Variants in TLK1 observed in about 807,000 individuals in gnomAD.
TLK1 encodes serine/threonine-protein kinase tousled-like 1.
TLK1 carries 24 observed loss-of-function variants against 105.3 expected under a neutral mutation model. The observed-to-expected ratio is 0.23, with a 90% CI of 0.17 to 0.32. The LOEUF is 0.32. Among genes scored for constraint, TLK1 ranks in the 10% least tolerant of loss-of-function variants. The pLI is 1.00. For missense variants in TLK1, 558 were observed against 910.5 expected (o/e 0.61, Z 4.98); for synonymous variants, 321 against 310.4 (o/e 1.03, Z -0.36).
chr2:171,096,971 G>GA (rs1689479735), intron 2 of TLK1, among the ~76,000 whole-genome samples: 1 of 152,040 alleles, frequency 6.6e-6, no homozygotes, highest in African/African-American at 2.4e-5. Flanking sequence ...CACAGCAATA[G>GA]AAAAAACAAC....
intron 3 of TLK1, chr2:171,081,538 G>T: frequency 4.7e-6 from 3 of 638,528 alleles, no homozygotes; most frequent in Non-Finnish European, 6.7e-6. Context: ...AAAAAACTTT[G>T]ACTAGAGCTA....
At chr2:171,182,938 AG>A (rs1469537846) in intron 1 of TLK1, among the ~76,000 whole-genome samples, 155 of 142,768 alleles carry the variant, frequency 1.1e-3, no homozygotes, top group African/African-American at 2.6e-3. Flanking sequence ...AAAAAAAAAA[AG>A]AAAGAAAGAA....
chr2:171,160,144 G>A lies in TLK1; in HGVS notation c.139+146C>T, dbSNP rs112812793. On this transcript the variant is annotated intron_variant, in intron 1 of 20. Coordinates refer to ENST00000431350, the MANE Select transcript of TLK1 (RefSeq NM_012290.5). This position sits in a 1 kb window ranked among gnomAD's most constrained non-coding sequence, Gnocchi z 4.4. Reference sequence around the variant, plus strand: ...ACTACCTCCCCAGAGCCGGGGAGCCGGGCGGCCTCGCGTCCACCTCGCCAC... The same window carrying A: ...ACTACCTCCCCAGAGCCGGGGAGCCAGGCGGCCTCGCGTCCACCTCGCCAC... 1.1e-6 allele frequency: 1 copy of A among 903,078 alleles called. No homozygotes were observed. 55.9% of individuals were successfully genotyped at this position (903,078 alleles called of 1,614,324 possible). A position where few individuals can be genotyped will look rare whatever the true frequency, so the allele number is the denominator to read the frequency against.
intron 1 of TLK1, among the ~76,000 whole-genome samples, chr2:171,148,890 A>AAAAAAAATATATAT (rs1445171800): frequency 1.4e-5 from 2 of 138,456 alleles, no homozygotes; most frequent in African/African-American, 5.4e-5. Context: ...AAAAAAAAAA[A>AAAAAAAATATATAT]ATATATATAT....
chr2:171,049,983 G>C, intron 9 of TLK1, 33 bp from the exon 10 acceptor site: 3 of 1,612,280 alleles, frequency 1.9e-6, no homozygotes, highest in Non-Finnish European at 2.5e-6. Flanking sequence ...TCACTCAATT[G>C]TATTCATTAA....
At chr2:171,210,239 G>T (rs1430287233) in intron 1 of TLK1, among the ~76,000 whole-genome samples, 1 of 151,968 alleles carries the variant, frequency 6.6e-6, no homozygotes, top group African/African-American at 2.4e-5. Flanking sequence ...GAGAAATAAG[G>T]TTATAATGCC....
chr2:171,175,921 T>G (rs1266221568), intron 1 of TLK1, among the ~76,000 whole-genome samples: 1 of 137,228 alleles, frequency 7.3e-6, no homozygotes, highest in Non-Finnish European at 1.5e-5. Context: ...ATATCAAGGT[T>G]TTTTTTTTGT....
chr2:171,227,407 A>C (rs1693917656), intron 1 of TLK1, among the ~76,000 whole-genome samples: 1 of 152,166 alleles, frequency 6.6e-6, no homozygotes, highest in Non-Finnish European at 1.5e-5. Flanking sequence ...TATTTGCTAC[A>C]ACTGCAGGAG....
intron 2 of TLK1, 116 bp from the exon 3 acceptor site, chr2:171,082,968 A>T (rs566794799): frequency 1.4e-6 from 1 of 705,102 alleles, no homozygotes; most frequent in Admixed American, 3.1e-5. Context: ...TAAATAAAGT[A>T]TAATTCCTTA....
At chr2:171,080,014 A>G (rs1688677421) in intron 3 of TLK1, among the ~76,000 whole-genome samples, 1 of 152,048 alleles carries the variant, frequency 6.6e-6, no homozygotes, top group Non-Finnish European at 1.5e-5. Context: ...GGGTGGTAGG[A>G]GAAAGCAATT....
chr2:171,021,239 AACT>A (rs1245163315), intron 12 of TLK1, among the ~76,000 whole-genome samples: 2 of 145,862 alleles, frequency 1.4e-5, no homozygotes, highest in African/African-American at 4.9e-5. Context: ...TTAAGAATTC[AACT>A]GATTGGCAAA....
intron 7 of TLK1, 191 bp downstream of exon 7, chr2:171,054,892 A>G: frequency 2.7e-6 from 1 of 371,520 alleles, no homozygotes; most frequent in Non-Finnish European, 4.9e-6. Flanking sequence ...TAAAAAGCTG[A>G]TAGTAAATTG....
At chr2:171,099,201 T>C (rs1277492998) in intron 2 of TLK1, among the ~76,000 whole-genome samples, 1 of 152,098 alleles carries the variant, frequency 6.6e-6, no homozygotes, top group Non-Finnish European at 1.5e-5. Context: ...AAACCAAATG[T>C]ATATCTATAA....
At chr2:171,062,266 CTGAA>C (rs779662389) in intron 3 of TLK1, among the ~76,000 whole-genome samples, 72 of 152,324 alleles carry the variant, frequency 4.7e-4, no homozygotes, top group African/African-American at 1.6e-3. Flanking sequence ...TAATATTTGA[CTGAA>C]TGAATGAATG....
chr2:171,045,925 G>C (rs900784646), intron 11 of TLK1: 1 of 363,460 alleles, frequency 2.8e-6, no homozygotes, highest in Non-Finnish European at 4.9e-6. Context: ...AGACACAGAA[G>C]GGTGAATTCT....
intron 14 of TLK1, among the ~76,000 whole-genome samples, chr2:171,007,818 C>T (rs959034565): frequency 2.6e-5 from 4 of 152,078 alleles, no homozygotes; most frequent in African/African-American, 9.7e-5. Context: ...TAATACCTAA[C>T]CTGTCTTCAA....
intron 10 of TLK1, 80 bp downstream of exon 10, chr2:171,049,734 T>G: frequency 1.9e-6 from 3 of 1,552,162 alleles, no homozygotes; most frequent in Non-Finnish European, 2.6e-6. Context: ...CTGGAGAGCA[T>G]AATTACAAAT....
intron 11 of TLK1, among the ~76,000 whole-genome samples, chr2:171,040,568 GTTTTTTTTT>G (rs59971440): frequency 6.7e-5 from 7 of 104,308 alleles, no homozygotes; most frequent in African/African-American, 1.7e-4. Context: ...TTCCTTTTTT[GTTTTTTTTT>G]TTTTTTTTTT....
intron 1 of TLK1, among the ~76,000 whole-genome samples, chr2:171,123,245 G>T (rs992168413): frequency 1.3e-5 from 2 of 152,184 alleles, no homozygotes; most frequent in African/African-American, 4.8e-5. Flanking sequence ...TGCCCAGCCT[G>T]AAGTGCAGTG....
Sources: gnomAD v4.1 joint callset for allele counts (sites outside exome capture counted in the v4.1 genomes callset) on GRCh38, gnomAD v4.1.1 for gene constraint, Gnocchi (gnomAD v3.1) non-coding constraint, MANE v1.5 for transcripts, NCBI Gene and HGNC (gene_info 2026-07-23, HGNC 2026-07-21) for gene names.